The following SMIM24 variants were observed in gnomAD, a reference collection of about 807,000 sequenced individuals.
SMIM24 encodes the protein MAP17-related dimer.
Under a neutral mutation model 10.8 loss-of-function variants are expected in SMIM24, and 6 were observed. The ratio of observed to expected loss-of-function variants is 0.55; its 90% CI spans 0.30 to 1.09. The LOEUF is 1.09. Among genes scored for constraint, SMIM24 ranks in the 50% least tolerant of loss-of-function variants. The pLI is 0.06. For missense variants in SMIM24, 151 were observed against 153.4 expected (o/e 0.98, Z 0.08); for synonymous variants, 71 against 62.4 (o/e 1.14, Z -0.65).
rs1599750886 is a variant in SMIM24, at chr19:3,478,272, G to A, written c.239+147C>T. On this transcript the variant is annotated intron_variant, in intron 3 of 3. Coordinates refer to ENST00000215531, the MANE Select transcript of SMIM24 (RefSeq NM_001136503.2). ...CTGACTAGGGACTGGAGGAGGAGAA[G>A]GAGCTGCCAGAAGATACAGGAAAGG... 1.1e-5 allele frequency: 8 copies of A among 726,446 alleles called. No homozygotes were observed. In the South Asian group the frequency reaches 1.7e-4, roughly 16 times the overall value. 45.0% of individuals were successfully genotyped at this position (726,446 alleles called of 1,614,324 possible).
Position 3,478,896 on chromosome 19 carries a change from C to T in SMIM24, c.101G>A (p.Gly34Asp). ...CAGGAAGCCGACTACCGCAGCCAGG[C>T]CCACCAGCCACGGCTTCAGGCGATG... ...TEHRLKPWLV[G>D]LAAVVGFLFI... The change falls in exon 2 of 4, where the codon GGC becomes GAC. Residue 34 changes from glycine to aspartate, a missense_variant. Physicochemically the swap from Gly to Asp is moderately conservative, Grantham distance 94 (BLOSUM62 -1). Transcript: ENST00000215531. The T allele has an allele frequency of 6.5e-7, 1 of 1,549,904 alleles. No homozygotes were observed. The highest frequency in any genetic ancestry group is 1.7e-4 in the Middle Eastern group (1 of 5,988).
In SMIM24 at chr19:3,474,828, G is replaced by C. The variant is rs759848572; in HGVS notation, c.*15C>G. ...CATCTCTGGGGGACTGCCTGGAAGA[G>C]GCAGCCAGGAATCTTCACATGACTG... On this transcript the variant is annotated 3_prime_UTR_variant, in exon 4 of 4. Coordinates refer to ENST00000215531, the MANE Select transcript of SMIM24 (RefSeq NM_001136503.2). The C allele has an allele frequency of 3.9e-6, 6 of 1,549,812 alleles. No homozygotes were observed. In the South Asian group the frequency reaches 4.8e-5, roughly 12 times the overall value.
chr19:3,477,624 G>A (rs1311767562), intron 3 of SMIM24, among the ~76,000 whole-genome samples: 5 of 143,132 alleles, frequency 3.5e-5, no homozygotes, highest in Non-Finnish European at 7.6e-5. Context: ...GTGGATAGGT[G>A]AGTGGGTGAA....
At chr19:3,475,785 T>C (rs1568215019) in intron 3 of SMIM24, among the ~76,000 whole-genome samples, 1 of 150,868 alleles carries the variant, frequency 6.6e-6, no homozygotes, top group East Asian at 2.0e-4. Flanking sequence ...GGCGAATGAA[T>C]GGATGAGTGA....
chr19:3,480,369 A>ACCCCCCCC, intron 1 of SMIM24, 28 bp downstream of exon 1: 1 of 1,307,442 alleles, frequency 7.6e-7, no homozygotes, highest in Non-Finnish European at 1.0e-6. Flanking sequence ...CTATCCCGCG[A>ACCCCCCCC]CGCCCCCTCC....
chr19:3,477,703 A>C (rs1303319822), intron 3 of SMIM24, among the ~76,000 whole-genome samples: 1 of 88,070 alleles, frequency 1.1e-5, no homozygotes, highest in Non-Finnish European at 2.2e-5. Context: ...TGGGTGATGG[A>C]TGGATGGTGG....
chr19:3,477,305 T>TGGAG (rs201323700), intron 3 of SMIM24, among the ~76,000 whole-genome samples: 1 of 92,106 alleles, frequency 1.1e-5, no homozygotes, highest in Non-Finnish European at 2.1e-5. Flanking sequence ...GATGGATGGA[T>TGGAG]GATAGACAGA....
chr19:3,476,747 TGGATGGATGGATGGATGGAA>T (rs1201847903), intron 3 of SMIM24, among the ~76,000 whole-genome samples: 1 of 151,840 alleles, frequency 6.6e-6, no homozygotes, highest in Non-Finnish European at 1.5e-5. Context: ...CCTGGATGGA[TGGATGGATGGATGGATGGAA>T]GGATGGATGG....
chr19:3,476,366 G>T (rs2082792148), intron 3 of SMIM24, among the ~76,000 whole-genome samples: 1 of 151,888 alleles, frequency 6.6e-6, no homozygotes, highest in Non-Finnish European at 1.5e-5. Context: ...GTATCAGTGA[G>T]TGGACAGATC....
intron 1 of SMIM24, chr19:3,479,218 C>T (rs535697981): frequency 2.2e-4 from 66 of 301,972 alleles, no homozygotes; most frequent in South Asian, 5.0e-4. Flanking sequence ...CAGGAGGGCT[C>T]AGAAGGGGCG....
Position 3,474,713 on chromosome 19 carries a change from C to G in SMIM24, c.*130G>C. The G allele has an allele frequency of 8.0e-7, 1 of 1,254,788 alleles. No individual in the cohort carries two copies. The highest frequency in any genetic ancestry group is 1.1e-6 in the Non-Finnish European group (1 of 937,750). 77.7% of individuals were successfully genotyped at this position (1,254,788 alleles called of 1,614,324 possible). On this transcript the variant is annotated 3_prime_UTR_variant, in exon 4 of 4. Coordinates refer to ENST00000215531, the MANE Select transcript of SMIM24 (RefSeq NM_001136503.2). ...GGAGGTGGGGTGGGTTCCAAGCCTT[C>G]TTCACTTGAGAACACTGTATTCTGA...
chr19:3,478,678 T>G, intron 2 of SMIM24, 140 bp downstream of exon 2: 1 of 851,066 alleles, frequency 1.2e-6, no homozygotes, highest in Non-Finnish European at 1.8e-6. Flanking sequence ...ATCTGGGCTC[T>G]GAGAGTAGAG....
intron 3 of SMIM24, among the ~76,000 whole-genome samples, chr19:3,476,734 A>G (rs1599749998): frequency 1.3e-5 from 2 of 151,068 alleles, no homozygotes; most frequent in African/African-American, 4.9e-5. Flanking sequence ...CAGAGCCCCC[A>G]GCCCTGGATG....
intron 1 of SMIM24, 163 bp from the exon 2 acceptor site, chr19:3,479,092 C>G (rs926676750): frequency 1.4e-4 from 26 of 187,476 alleles, no homozygotes; most frequent in South Asian, 3.0e-4. Context: ...GTAGGGGGGT[C>G]GGGAGGGTTT....
rs1235975784 is a variant in SMIM24 at position 3,478,407 on chromosome 19, C to T, written c.239+12G>A. ...GGTTCACACAGACCCCCAGCATCCG[C>T]ACGCATAGTACCTCTGGTCCTGGTA... is the stretch of plus-strand genomic sequence containing the variant. On this transcript the variant is annotated intron_variant, in intron 3 of 3. Coordinates refer to ENST00000215531, the MANE Select transcript of SMIM24 (RefSeq NM_001136503.2). The T allele has an allele frequency of 6.5e-7, 1 of 1,547,054 alleles. No individual in the cohort carries two copies. Among genetic ancestry groups the T allele is most frequent in the East Asian group, 2.5e-5 (1 of 40,732 alleles).
chr19:3,478,285 G>T (rs961237262), intron 3 of SMIM24, 134 bp downstream of exon 3: 6 of 828,362 alleles, frequency 7.2e-6, no homozygotes, highest in Non-Finnish European at 1.1e-5. Context: ...GCTGCCAGAA[G>T]ATACAGGAAA....
intron 3 of SMIM24, among the ~76,000 whole-genome samples, chr19:3,477,550 A>G: frequency 8.6e-6 from 1 of 116,450 alleles, no homozygotes; most frequent in Non-Finnish European, 1.8e-5. Flanking sequence ...TAGATGGGTG[A>G]GTGGGTGGAT....
chr19:3,478,200 G>A (rs1427165198), intron 3 of SMIM24, among the ~76,000 whole-genome samples: 1 of 152,132 alleles, frequency 6.6e-6, no homozygotes, highest in Non-Finnish European at 1.5e-5. Context: ...AATCAGACTT[G>A]GGGCTGGGGA....
chr19:3,476,116 A>G (rs1361049992), intron 3 of SMIM24, among the ~76,000 whole-genome samples: 4 of 151,804 alleles, frequency 2.6e-5, no homozygotes, highest in African/African-American at 9.7e-5. Context: ...TGGATGGATG[A>G]GTAGATAAGC....
Sources: allele counts gnomAD v4.1 joint callset (sites outside exome capture counted in the v4.1 genomes callset), GRCh38; gene constraint gnomAD v4.1.1; transcripts MANE v1.5; gene names NCBI Gene and HGNC (gene_info 2026-07-23, HGNC 2026-07-21).